The following SMIM35 variants were observed in gnomAD, a reference collection of about 807,000 sequenced individuals.
The protein encoded by SMIM35 is TMPRSS4 antisense RNA 1 (non-protein coding).
intron 4 of SMIM35, among the ~76,000 whole-genome samples, chr11:118,006,774 G>A (rs574175266): frequency 3.1e-3 from 475 of 152,246 alleles, no homozygotes; most frequent in Non-Finnish European, 5.2e-3. Flanking sequence ...CTTCAGGCTT[G>A]TCATCTTCCT....
At chr11:118,036,995 G>A (rs1281176036) in intron 1 of SMIM35, among the ~76,000 whole-genome samples, 1 of 152,136 alleles carries the variant, frequency 6.6e-6, no homozygotes, top group East Asian at 1.9e-4. Flanking sequence ...TACTGGTTGG[G>A]TGTGAGCTAA....
chr11:118,055,878 A>C (rs676812), intron 1 of SMIM35, among the ~76,000 whole-genome samples: 1 of 151,764 alleles, frequency 6.6e-6, no homozygotes, highest in Non-Finnish European at 1.5e-5. Flanking sequence ...AGAGGTAAAC[A>C]TGGGGGCTTG....
intron 1 of SMIM35, among the ~76,000 whole-genome samples, chr11:118,037,474 T>C (rs1433093362): frequency 2.0e-5 from 3 of 152,160 alleles, no homozygotes; most frequent in African/African-American, 7.2e-5. Flanking sequence ...GTCCGGTGTT[T>C]TGAAGCTCCC....
chr11:118,060,513 A>G (rs1465303228), intron 1 of SMIM35, among the ~76,000 whole-genome samples: 2 of 152,212 alleles, frequency 1.3e-5, no homozygotes, highest in Admixed American at 6.5e-5. Flanking sequence ...AGGGCAGGAC[A>G]GGGGCCAGGC....
chr11:118,086,554 C>T (rs1945569497), intron 1 of SMIM35, among the ~76,000 whole-genome samples, 197 bp downstream of exon 1: 1 of 152,236 alleles, frequency 6.6e-6, no homozygotes, highest in Non-Finnish European at 1.5e-5. Flanking sequence ...GGCATATGGC[C>T]TGGGCTGGTG....
At chr11:118,069,537 A>C (rs1944537750) in intron 1 of SMIM35, among the ~76,000 whole-genome samples, 1 of 152,122 alleles carries the variant, frequency 6.6e-6, no homozygotes, top group Admixed American at 6.5e-5. Context: ...AATAAAGGAG[A>C]GATCTCCCAG....
chr11:118,054,181 G>A (rs1038845436), intron 1 of SMIM35, among the ~76,000 whole-genome samples: 1 of 143,660 alleles, frequency 7.0e-6, no homozygotes, highest in Non-Finnish European at 1.6e-5. Context: ...TTTTTTGTTT[G>A]TTCTTGTTTT....
intron 1 of SMIM35, among the ~76,000 whole-genome samples, chr11:118,077,650 A>AG (rs1168712945): frequency 3.3e-5 from 5 of 152,150 alleles, no homozygotes; most frequent in African/African-American, 9.7e-5. Flanking sequence ...TTTCCAAGGC[A>AG]GGGGGCTGTT....
intron 1 of SMIM35, among the ~76,000 whole-genome samples, chr11:118,063,067 A>G (rs759634692): frequency 6.6e-6 from 1 of 152,176 alleles, no homozygotes; most frequent in Non-Finnish European, 1.5e-5. Flanking sequence ...AAGGTATCCT[A>G]TTTGGTCTAA....
intron 1 of SMIM35, among the ~76,000 whole-genome samples, chr11:118,067,903 A>G (rs936222175): frequency 2.7e-4 from 31 of 116,772 alleles, no homozygotes; most frequent in Non-Finnish European, 4.2e-4. Context: ...ATATATATAT[A>G]TATGAAAAGT....
At chr11:118,035,129 T>C (rs1340152418) in intron 1 of SMIM35, among the ~76,000 whole-genome samples, 1 of 152,072 alleles carries the variant, frequency 6.6e-6, no homozygotes, top group Non-Finnish European at 1.5e-5. Context: ...TTTTTGTATT[T>C]TTAGTAGAGA....
At chr11:118,056,750 A>C (rs1246227971) in intron 1 of SMIM35, among the ~76,000 whole-genome samples, 1 of 152,198 alleles carries the variant, frequency 6.6e-6, no homozygotes, top group African/African-American at 2.4e-5. Flanking sequence ...GGGAAGGACA[A>C]TCACGGTGTG....
rs1351386981 is a variant in SMIM35 at position 118,076,116 on chromosome 11, A to G, written c.7+10635T>C. ...AACCCCATCTCTACTAAAAATACAAATTAGCCAGGCATGGTGGCGCACAAC... is the reference window on the plus strand; with the variant it reads ...AACCCCATCTCTACTAAAAATACAAGTTAGCCAGGCATGGTGGCGCACAAC... On this transcript the variant is annotated intron_variant, in intron 1 of 4. Coordinates refer to ENST00000689828, the MANE Select transcript of SMIM35 (RefSeq NM_001394165.1). Among the ~76,000 whole-genome samples the G allele has an allele frequency of 2.6e-5, 4 of 152,124 alleles. No individual in the cohort carries two copies. In the East Asian group the frequency reaches 5.8e-4, roughly 22 times the overall value.
chr11:118,025,463 G>T (rs766586637), intron 1 of SMIM35: 1 of 453,024 alleles, frequency 2.2e-6, no homozygotes, highest in Non-Finnish European at 4.4e-6. Flanking sequence ...GTTATTTTCT[G>T]ACTTCTTAAT....
At chr11:118,079,571 T>A (rs1306832021) in intron 1 of SMIM35, among the ~76,000 whole-genome samples, 1 of 152,202 alleles carries the variant, frequency 6.6e-6, no homozygotes, top group Non-Finnish European at 1.5e-5. Flanking sequence ...TGGCCTTGAC[T>A]CATTACTGTT....
intron 1 of SMIM35, among the ~76,000 whole-genome samples, chr11:118,030,739 A>G (rs2058311989): frequency 6.6e-6 from 1 of 151,782 alleles, no homozygotes; most frequent in African/African-American, 2.4e-5. Flanking sequence ...AGGTAGTCTA[A>G]CCTGGAGCAT....
At chr11:118,078,419 C>T (rs922843223) in intron 1 of SMIM35, among the ~76,000 whole-genome samples, 2 of 151,986 alleles carry the variant, frequency 1.3e-5, no homozygotes, top group African/African-American at 4.8e-5. Flanking sequence ...GTCTCCTATT[C>T]CCAACCTGAG....
chr11:118,047,712 C>T (rs770967276), intron 1 of SMIM35, among the ~76,000 whole-genome samples: 2 of 152,224 alleles, frequency 1.3e-5, no homozygotes, highest in African/African-American at 4.8e-5. Flanking sequence ...GTTATTTCAG[C>T]AGCCAAACTG....
intron 1 of SMIM35, among the ~76,000 whole-genome samples, chr11:118,046,966 G>A (rs1383736771): frequency 5.9e-5 from 9 of 152,198 alleles, no homozygotes; most frequent in Non-Finnish European, 1.5e-5. Context: ...TTGAGTAAAG[G>A]AGTTTAAGAT....
Sources: allele counts gnomAD v4.1 joint callset (sites outside exome capture counted in the v4.1 genomes callset), GRCh38; gene constraint gnomAD v4.1.1; transcripts MANE v1.5; gene names NCBI Gene and HGNC (gene_info 2026-07-23, HGNC 2026-07-21).